The following XRCC4 variants were observed in gnomAD, a reference collection of about 807,000 sequenced individuals.
XRCC4 encodes X-ray repair cross complementing 4.
XRCC4 carries 28 observed loss-of-function variants against 39.1 expected under a neutral mutation model. The observed-to-expected ratio is 0.72, with a 90% CI of 0.53 to 0.98. The LOEUF is 0.98. Ranked by LOEUF, XRCC4 falls within the 50% of genes least tolerant of loss-of-function variation. XRCC4 has a pLI of 0.00. For synonymous variants in XRCC4, 123 were observed against 126.4 expected (o/e 0.97, Z 0.18); for missense variants, 350 against 376.4 (o/e 0.93, Z 0.58).
chr5:83,204,875 T>G lies in XRCC4; in HGVS notation c.699T>G (p.Thr233=), dbSNP rs1487140838. 6.2e-7 allele frequency: 1 copy of G among 1,612,626 alleles called. No homozygotes were observed. The highest frequency in any genetic ancestry group is 8.5e-7 in the Non-Finnish European group (1 of 1,178,950). The change falls in exon 6 of 8, where the codon ACT becomes ACG. Residue 233 remains threonine, a synonymous_variant. Transcript: ENST00000396027. The part of the protein sequence containing the change: ...ADRDPVYDES[T]DEESENQTDL... ...GAGATCCAGTCTATGATGAGAGTAC[T>G]GATGAGGAAAGTGAAAACCAAACTG...
Position 83,126,261 on chromosome 5 carries a change from T to C in XRCC4, c.315+15058T>C, listed in dbSNP as rs181438455. Among the ~76,000 whole-genome samples the C allele has an allele frequency of 8.6e-4, 131 of 152,256 alleles. No homozygotes were observed. In the Middle Eastern group the frequency reaches 0.01, roughly 12 times the overall value. On this transcript the variant is annotated intron_variant, in intron 3 of 7. Transcript: ENST00000396027. ...GATTTATGCCTAAGTATTTCAGTCT[T>C]TTTGGCACTGTTATAAGTGGTATTA...
chr5:83,104,537 T>C (rs1746102747), intron 1 of XRCC4, among the ~76,000 whole-genome samples: 1 of 152,124 alleles, frequency 6.6e-6, no homozygotes, highest in African/African-American at 2.4e-5. Context: ...AGACTGGTCT[T>C]GAACTCCTGA....
chr5:83,224,446 A>G (rs72769308), intron 6 of XRCC4, among the ~76,000 whole-genome samples: 2,022 of 152,152 alleles, frequency 0.013, 17 homozygotes, highest in Middle Eastern at 0.054. Context: ...CACACTTTAT[A>G]TGTTTTTATA....
At chr5:83,259,810 CTT>C (rs28360235) in intron 7 of XRCC4, among the ~76,000 whole-genome samples, 4,584 of 152,070 alleles carry the variant, frequency 0.03, 190 homozygotes, top group African/African-American at 0.1. Context: ...AGTCAAAACT[CTT>C]GAGACCCTCA....
rs1491397036 is a variant in XRCC4, at chr5:83,344,127, ATC to A, written c.894-9001_894-9000del. ...TACATACACAGATACACTGACACAG[ATC>A]TCACACACACACACACACACACACA... On this transcript the variant is annotated intron_variant, in intron 7 of 7. Coordinates refer to ENST00000396027, the MANE Select transcript of XRCC4 (RefSeq NM_003401.5). Among the ~76,000 whole-genome samples, 1,010 of 110,116 alleles carry A rather than the reference ATC, an allele frequency of 9.2e-3. 6 individuals are homozygous for A. Among genetic ancestry groups the A allele is most frequent in the Middle Eastern group, 0.078 (16 of 206 alleles). The allele number at this position is 110,116 out of a possible 152,430, so 72.2% of individuals were successfully genotyped here.
chr5:83,108,099 GT>G (rs749670853), intron 2 of XRCC4, among the ~76,000 whole-genome samples: 14 of 151,910 alleles, frequency 9.2e-5, no homozygotes, highest in South Asian at 4.1e-4. Context: ...CCAGTTCCTT[GT>G]TTTTTGGTCA....
At chr5:83,154,164 G>A (rs987528247) in intron 3 of XRCC4, among the ~76,000 whole-genome samples, 11 of 152,038 alleles carry the variant, frequency 7.2e-5, no homozygotes, top group Non-Finnish European at 4.4e-5. Flanking sequence ...ACAAATGCAC[G>A]TCCCTTGGAA....
intron 3 of XRCC4, among the ~76,000 whole-genome samples, chr5:83,152,386 C>T (rs1369520015): frequency 1.3e-5 from 2 of 152,258 alleles, no homozygotes; most frequent in Non-Finnish European, 1.5e-5. Flanking sequence ...GTAATCCCAG[C>T]ACTTTGGGAG....
intron 6 of XRCC4, among the ~76,000 whole-genome samples, chr5:83,257,803 A>G (rs966937084): frequency 1.3e-5 from 2 of 152,194 alleles, no homozygotes; most frequent in African/African-American, 2.4e-5. Flanking sequence ...CCCATCAATG[A>G]TAGACTGGAT....
At chr5:83,351,464 CTCT>C (rs1221989156) in intron 7 of XRCC4, among the ~76,000 whole-genome samples, 2 of 152,258 alleles carry the variant, frequency 1.3e-5, no homozygotes, top group Admixed American at 1.3e-4. Flanking sequence ...GCACAAGCAA[CTCT>C]AAGACATTTT....
chr5:83,275,653 A>C (rs558391726), intron 7 of XRCC4, among the ~76,000 whole-genome samples: 1 of 152,164 alleles, frequency 6.6e-6, no homozygotes, highest in Non-Finnish European at 1.5e-5. Flanking sequence ...ATATATATGA[A>C]TCTAGAATTC....
At chr5:83,291,983 G>GTA (rs2112978597) in intron 7 of XRCC4, among the ~76,000 whole-genome samples, 1 of 149,382 alleles carries the variant, frequency 6.7e-6, no homozygotes, top group Admixed American at 6.7e-5. Context: ...GTGTGTGTGT[G>GTA]TGTATTTTAT....
At chr5:83,082,373 A>G (rs1269879648) in intron 1 of XRCC4, among the ~76,000 whole-genome samples, 1 of 152,182 alleles carries the variant, frequency 6.6e-6, no homozygotes, top group Non-Finnish European at 1.5e-5. Flanking sequence ...GGTTTAGTTG[A>G]TAGAAATGTA....
the XRCC4 span, among the ~76,000 whole-genome samples, chr5:83,359,365 T>G: frequency 1.3e-5 from 2 of 152,158 alleles, no homozygotes; most frequent in South Asian, 2.1e-4. Context: ...CTAGCCAGAG[T>G]TGATTAGATC....
chr5:83,343,876 A>G (rs1421731260), intron 7 of XRCC4, among the ~76,000 whole-genome samples: 1 of 152,084 alleles, frequency 6.6e-6, no homozygotes, highest in Non-Finnish European at 1.5e-5. Flanking sequence ...TACTCAAAAT[A>G]TATCTGCATT....
chr5:83,311,314 C>A lies in XRCC4; in HGVS notation c.894-41817C>A, dbSNP rs1755703651. ...CAAAAGATCACCAGGGGACTATAAT[C>A]AACAATAATCTATTGTAATTTCAAA... is the stretch of plus-strand genomic sequence containing the variant. On this transcript the variant is annotated intron_variant, in intron 7 of 7. Coordinates refer to ENST00000396027, the MANE Select transcript of XRCC4 (RefSeq NM_003401.5). Among the ~76,000 whole-genome samples, 5 of 152,200 alleles carry A rather than the reference C, an allele frequency of 3.3e-5. No homozygotes were observed. In the South Asian group the frequency reaches 1.0e-3, roughly 32 times the overall value.
chr5:83,167,868 T>A (rs1189929698), intron 3 of XRCC4, among the ~76,000 whole-genome samples: 1 of 152,174 alleles, frequency 6.6e-6, no homozygotes, highest in African/African-American at 2.4e-5. Flanking sequence ...TGAATTAACA[T>A]GACTAATATA....
intron 7 of XRCC4, among the ~76,000 whole-genome samples, chr5:83,324,631 G>A (rs1408871156): frequency 6.6e-6 from 1 of 152,040 alleles, no homozygotes; most frequent in Non-Finnish European, 1.5e-5. Flanking sequence ...GGAAAATATA[G>A]TTTTTAGTAT....
chr5:83,275,603 G>A (rs1754303631), intron 7 of XRCC4, among the ~76,000 whole-genome samples: 1 of 152,286 alleles, frequency 6.6e-6, no homozygotes, highest in South Asian at 2.1e-4. Flanking sequence ...CCCAGGTTAG[G>A]TTTTAGAAAC....
Sources: allele counts gnomAD v4.1 joint callset (sites outside exome capture counted in the v4.1 genomes callset), GRCh38; gene constraint gnomAD v4.1.1; transcripts MANE v1.5; gene names NCBI Gene and HGNC (gene_info 2026-07-23, HGNC 2026-07-21).